RBBP4: variants seen among roughly 807,000 people sequenced by gnomAD.
RBBP4 encodes the protein histone-binding protein RBBP4.
In RBBP4, 3 loss-of-function variants were observed where a neutral mutation model predicts 57.2. The ratio of observed to expected loss-of-function variants is 0.05; its 90% CI spans 0.02 to 0.14. The LOEUF is 0.14. Among genes scored for constraint, RBBP4 ranks in the 10% least tolerant of loss-of-function variants. The pLI is 1.00. For missense variants in RBBP4, 107 were observed against 520.6 expected (o/e 0.21, Z 7.73); for synonymous variants, 151 against 171.5 (o/e 0.88, Z 0.93).
intron 3 of RBBP4, among the ~76,000 whole-genome samples, chr1:32,662,995 A>T (rs758638253): frequency 5.3e-5 from 8 of 152,116 alleles, no homozygotes; most frequent in Admixed American, 1.3e-4. Flanking sequence ...AAAAAAACAT[A>T]AAAATAAATA....
intron 2 of RBBP4, among the ~76,000 whole-genome samples, chr1:32,656,826 CT>C (rs1648164079): frequency 6.6e-6 from 1 of 152,170 alleles, no homozygotes; most frequent in South Asian, 2.1e-4. Flanking sequence ...ACCCTTTCCC[CT>C]TCTTTCCTTT....
intron 2 of RBBP4, 50 bp from the exon 3 acceptor site, chr1:32,657,377 C>G (rs762307726): frequency 6.4e-7 from 1 of 1,552,944 alleles, no homozygotes; most frequent in South Asian, 1.2e-5. Context: ...TTGACTTCGC[C>G]GTCTCCTGAT....
chr1:32,657,163 C>G (rs1648180206), intron 2 of RBBP4, among the ~76,000 whole-genome samples: 2 of 152,140 alleles, frequency 1.3e-5, no homozygotes, highest in Non-Finnish European at 2.9e-5. Context: ...GTAGTCCCAG[C>G]TACTCGGGAG....
At chr1:32,670,972 G>A (rs1222732179) in intron 8 of RBBP4, among the ~76,000 whole-genome samples, 2 of 151,994 alleles carry the variant, frequency 1.3e-5, no homozygotes, top group Non-Finnish European at 1.5e-5. Context: ...TGCTTGTGAC[G>A]GTATTCTTGC....
chr1:32,684,333 A>G lies in RBBP4; in HGVS notation c.*4628A>G. ...TTTGTTCTTCTGTTGCTGGAGTTGC[A>G]CCCCATTTCTTAACTGCCTCTGGCG... On this transcript the variant is annotated 3_prime_UTR_variant, in exon 12 of 12. Coordinates refer to ENST00000373493, the MANE Select transcript of RBBP4 (RefSeq NM_005610.3). 6.2e-7 allele frequency: 1 copy of G among 1,614,100 alleles called. No homozygotes were observed. The highest frequency in any genetic ancestry group is 8.5e-7 in the Non-Finnish European group (1 of 1,180,018).
chr1:32,675,646 G>A (rs1649067947), intron 11 of RBBP4, among the ~76,000 whole-genome samples: 1 of 151,986 alleles, frequency 6.6e-6, no homozygotes. Context: ...GCGGGCGCCT[G>A]TAGTCCCAGC....
intron 11 of RBBP4, among the ~76,000 whole-genome samples, chr1:32,678,607 T>G (rs1400222688): frequency 1.3e-4 from 12 of 89,062 alleles, no homozygotes; most frequent in Non-Finnish European, 1.7e-4. Context: ...TTTTTTTTTT[T>G]GGCACACAGT....
In RBBP4 at chr1:32,651,340, G is replaced by C. The variant is rs764529512; in HGVS notation, c.16+18G>C. The C allele has an allele frequency of 1.5e-5, 22 of 1,448,464 alleles. No homozygotes were observed. The East Asian group carries it at 6.3e-4, about 41-fold the overall frequency. The allele number at this position is 1,448,464 out of a possible 1,614,324, so 89.7% of individuals were successfully genotyped here. A position where few individuals can be genotyped will look rare whatever the true frequency, so the allele number is the denominator to read the frequency against. ...CAAGGAAGGTGAGGGTGCCGGGGCC[G>C]ACCCAGGAGGGCAGTGGGTGCCTGG... On this transcript the variant is annotated intron_variant, in intron 1 of 11. Transcript: ENST00000373493.
intron 3 of RBBP4, among the ~76,000 whole-genome samples, chr1:32,667,274 A>G (rs1473387448): frequency 5.3e-5 from 8 of 152,210 alleles, no homozygotes; most frequent in African/African-American, 1.9e-4. Flanking sequence ...ATAGCAGTAG[A>G]AAAAATAGTG....
rs918055813 is a variant in RBBP4 at position 32,686,149 on chromosome 1, T to C, written c.*6444T>C. The C allele has an allele frequency of 2.0e-5, 3 of 152,206 alleles. No homozygotes were observed. The highest frequency in any genetic ancestry group is 7.2e-5 in the African/African-American group (3 of 41,446). The allele number at this position is 152,206 out of a possible 1,614,324, so 9.4% of individuals were successfully genotyped here. A position where few individuals can be genotyped will look rare whatever the true frequency, so the allele number is the denominator to read the frequency against. On this transcript the variant is annotated 3_prime_UTR_variant, in exon 12 of 12. Coordinates refer to ENST00000373493, the MANE Select transcript of RBBP4 (RefSeq NM_005610.3). ...CACAAAATGTAAAATATGTCAAAAATATTTGATACTGATTACATGTTGAAA... is the reference window on the plus strand; with the variant it reads ...CACAAAATGTAAAATATGTCAAAAACATTTGATACTGATTACATGTTGAAA...
chr1:32,659,509 G>T (rs1472571080), intron 3 of RBBP4, among the ~76,000 whole-genome samples: 1 of 147,656 alleles, frequency 6.8e-6, no homozygotes, highest in Non-Finnish European at 1.5e-5. Flanking sequence ...GCAGTGAGCC[G>T]AGATCTCACC....
chr1:32,671,888 C>T (rs1648894977), intron 8 of RBBP4, among the ~76,000 whole-genome samples: 4 of 151,912 alleles, frequency 2.6e-5, no homozygotes, highest in East Asian at 1.9e-4. Flanking sequence ...GCAAGACTTC[C>T]GTCTCAAGAA....
In RBBP4 at chr1:32,680,275, T is replaced by G; in HGVS notation, c.*570T>G. The G allele has an allele frequency of 1.6e-6, 2 of 1,242,766 alleles. No individual in the cohort carries two copies. Among genetic ancestry groups the G allele is most frequent in the South Asian group, 5.6e-5 (2 of 35,720 alleles). The allele number at this position is 1,242,766 out of a possible 1,614,324, so 77.0% of individuals were successfully genotyped here. ...CTCTTTCCCCATATATTCATATATT[T>G]TTGCTCGTTAGTGTATTTCTTGAGC... is the stretch of plus-strand genomic sequence containing the variant. On this transcript the variant is annotated 3_prime_UTR_variant, in exon 12 of 12. Transcript: ENST00000373493.
rs917018071 is a variant in RBBP4 at position 32,681,182 on chromosome 1, A to G, written c.*1477A>G. On this transcript the variant is annotated 3_prime_UTR_variant, in exon 12 of 12. Transcript: ENST00000373493. ...GAGTAGATCATTCTGACCCAGAACT[A>G]CTTTCATGAGGTAAGATCTTTGGGA... The G allele has an allele frequency of 6.6e-6, 1 of 152,452 alleles. No individual in the cohort carries two copies. The highest frequency in any genetic ancestry group is 6.5e-5 in the Admixed American group (1 of 15,280). 9.4% of individuals were successfully genotyped at this position (152,452 alleles called of 1,614,324 possible).
chr1:32,673,160 C>CT (rs1199507141), intron 11 of RBBP4, among the ~76,000 whole-genome samples: 2 of 152,104 alleles, frequency 1.3e-5, no homozygotes, highest in Non-Finnish European at 2.9e-5. Flanking sequence ...TTCTTTCTTT[C>CT]TTTTTGTATG....
intron 3 of RBBP4, among the ~76,000 whole-genome samples, chr1:32,658,952 T>C (rs1463831129): frequency 1.3e-5 from 2 of 148,604 alleles, no homozygotes; most frequent in Non-Finnish European, 3.0e-5. Context: ...TAAACATACG[T>C]ATATATGTAT....
At position 32,652,066 on chromosome 1, in the gene RBBP4, C is replaced by T; in HGVS notation, c.164+5C>T. ...GTGGCTTCCAGATGTAACCAGGTGA[C>T]ATGACTCTCCCGAACGTTATTTTGA... is the stretch of plus-strand genomic sequence containing the variant. On this transcript the variant is annotated splice_donor_5th_base_variant and intron_variant, in intron 2 of 11. Coordinates refer to ENST00000373493, the MANE Select transcript of RBBP4 (RefSeq NM_005610.3). 1 of 1,609,224 alleles carries T rather than the reference C, an allele frequency of 6.2e-7. No individual in the cohort carries two copies. Among genetic ancestry groups the T allele is most frequent in the Non-Finnish European group, 8.5e-7 (1 of 1,177,952 alleles).
At chr1:32,674,816 C>T (rs576014116) in intron 11 of RBBP4, among the ~76,000 whole-genome samples, 1 of 151,742 alleles carries the variant, frequency 6.6e-6, no homozygotes, top group African/African-American at 2.4e-5. Context: ...CAACCTCTGC[C>T]TCCCAGGTTC....
chr1:32,680,364 T>G lies in RBBP4; in HGVS notation c.*659T>G, dbSNP rs529957859. ...TTTTTTTTTTTGTTGTTGGTTTTTT[T>G]TTTTTTTTTTTTAACTTGGGACCAC... On this transcript the variant is annotated 3_prime_UTR_variant, in exon 12 of 12. Transcript: ENST00000373493. 100 of 1,135,248 alleles carry G rather than the reference T, an allele frequency of 8.8e-5. No homozygotes were observed. In the South Asian group the frequency reaches 1.2e-3, roughly 13 times the overall value. 70.3% of individuals were successfully genotyped at this position (1,135,248 alleles called of 1,614,324 possible).
Sources: allele counts gnomAD v4.1 joint callset (sites outside exome capture counted in the v4.1 genomes callset), GRCh38; gene constraint gnomAD v4.1.1; transcripts MANE v1.5; gene names NCBI Gene and HGNC (gene_info 2026-07-23, HGNC 2026-07-21).